ADAMTSL1: variants seen among roughly 807,000 people sequenced by gnomAD.
ADAMTSL1 encodes ADAMTS like 1.
In ADAMTSL1, 126 loss-of-function variants were observed where a neutral mutation model predicts 201.8. The observed-to-expected ratio is 0.62, with a 90% confidence interval of 0.54 to 0.72. The LOEUF (loss-of-function observed/expected upper bound fraction) is 0.72. ADAMTSL1 is among the 30% of genes least tolerant of loss of function. The pLI is 0.00. For synonymous variants in ADAMTSL1, 1,121 were observed against 903.4 expected (o/e 1.24, Z -4.32); for missense variants, 2,679 against 2,277.8 (o/e 1.18, Z -3.59).
At chr9:18,412,072 T>C (rs1037560957) in intron 2 of ADAMTSL1, among the ~76,000 whole-genome samples, 5 of 152,210 alleles carry the variant, frequency 3.3e-5, no homozygotes, top group African/African-American at 1.2e-4. Context: ...AACTGGGTCA[T>C]TTGTCCTAGA....
intron 3 of ADAMTSL1, among the ~76,000 whole-genome samples, chr9:18,548,621 G>A (rs1820614357): frequency 6.6e-6 from 1 of 152,014 alleles, no homozygotes; most frequent in African/African-American, 2.4e-5. Flanking sequence ...TGAAGGAACT[G>A]TATTTCTCCC....
At chr9:18,901,823 T>C (rs116287083) in intron 26 of ADAMTSL1, among the ~76,000 whole-genome samples, 1 of 152,144 alleles carries the variant, frequency 6.6e-6, no homozygotes, top group Non-Finnish European at 1.5e-5. Flanking sequence ...AGTAATTACT[T>C]TAAAGGAATC....
intron 1 of ADAMTSL1, among the ~76,000 whole-genome samples, chr9:18,042,924 A>G (rs1821491136): frequency 6.6e-6 from 1 of 152,172 alleles, no homozygotes; most frequent in Non-Finnish European, 1.5e-5. Context: ...CCAGGAAAAA[A>G]TTCACGGGGG....
At chr9:18,544,805 C>A (rs544508467) in intron 3 of ADAMTSL1, among the ~76,000 whole-genome samples, 25 of 152,332 alleles carry the variant, frequency 1.6e-4, no homozygotes, top group African/African-American at 5.8e-4. Context: ...TTGAGACCCA[C>A]TCAGCTAGAG....
intron 2 of ADAMTSL1, among the ~76,000 whole-genome samples, chr9:18,354,333 G>A (rs1836115389): frequency 6.6e-6 from 1 of 151,692 alleles, no homozygotes; most frequent in Admixed American, 6.6e-5. Flanking sequence ...TCTATCCCTG[G>A]TTGTTTTTCA....
chr9:18,071,823 T>C (rs1231915811), intron 1 of ADAMTSL1, among the ~76,000 whole-genome samples: 1 of 152,188 alleles, frequency 6.6e-6, no homozygotes, highest in Non-Finnish European at 1.5e-5. Flanking sequence ...TCTGGGGAGC[T>C]TGGAAGTCAC....
Position 18,889,748 on chromosome 9 carries a change from G to T in ADAMTSL1, c.4643G>T (p.Arg1548Leu). 2 of 1,499,234 alleles carry T rather than the reference G, an allele frequency of 1.3e-6. No homozygotes were observed. The highest frequency in any genetic ancestry group is 8.9e-7 in the Non-Finnish European group (1 of 1,126,058). The allele number at this position is 1,499,234 out of a possible 1,614,324, so 92.9% of individuals were successfully genotyped here. The change falls in exon 25 of 29, where the codon CGG becomes CTG. Residue 1548 changes from arginine to leucine, a missense_variant and splice_region_variant. By Grantham distance (102) the Arg-to-Leu change is moderately radical. Transcript: ENST00000380548. ...IACNRRDCPS[R>L]WMVTSWSACT... ...TGCAACCGGAGAGACTGCCCTTCTCGGTGAGTGCAGCGGACACTGGCTCAG... is the reference window on the plus strand; with the variant it reads ...TGCAACCGGAGAGACTGCCCTTCTCTGTGAGTGCAGCGGACACTGGCTCAG...
At chr9:18,814,546 A>C (rs1823713750) in intron 20 of ADAMTSL1, among the ~76,000 whole-genome samples, 1 of 152,242 alleles carries the variant, frequency 6.6e-6, no homozygotes, top group South Asian at 2.1e-4. Context: ...TCAAAAATGG[A>C]CAAAAGATAA....
At position 18,405,745 on chromosome 9, in the gene ADAMTSL1, A is replaced by G. The variant is rs541555944; in HGVS notation, c.208-99084A>G. ...CTAAGATTTTATACAATAATATGTT[A>G]TGTTTAGATATAGAAGACCTTTAAA... On this transcript the variant is annotated intron_variant, in intron 2 of 29. Coordinates refer to the ADAMTSL1 transcript ENST00000680146. Among the ~76,000 whole-genome samples the G allele has an allele frequency of 2.6e-5, 4 of 152,280 alleles. No individual in the cohort carries two copies. In the East Asian group the frequency reaches 7.7e-4, roughly 29 times the overall value.
chr9:18,053,816 C>T (rs1822050241), intron 1 of ADAMTSL1, among the ~76,000 whole-genome samples: 1 of 152,206 alleles, frequency 6.6e-6, no homozygotes, highest in South Asian at 2.1e-4. Flanking sequence ...AAGCAAGACC[C>T]TGGTAACTCT....
At position 18,861,583 on chromosome 9, in the gene ADAMTSL1, C is replaced by T. The variant is rs10118898; in HGVS notation, c.4250-26248C>T. On this transcript the variant is annotated intron_variant, in intron 23 of 28. Transcript: ENST00000380548. ...AAATCAATACTAGAAATGTAGGTTG[C>T]AAGACAAATAGCAGGCATTTGGACA... Among the ~76,000 whole-genome samples, 1,455 of 152,328 alleles carry T rather than the reference C, an allele frequency of 9.6e-3. 25 individuals are homozygous for T. Among genetic ancestry groups the T allele is most frequent in the African/African-American group, 0.033 (1,358 of 41,568 alleles).
chr9:18,148,037 T>C (rs1040256601), intron 1 of ADAMTSL1, among the ~76,000 whole-genome samples: 4 of 152,108 alleles, frequency 2.6e-5, no homozygotes, highest in Admixed American at 6.6e-5. Context: ...ACACAGCTCT[T>C]ATAATGTAGT....
At chr9:17,923,805 A>G (rs1395417789) in intron 1 of ADAMTSL1, among the ~76,000 whole-genome samples, 1 of 138,312 alleles carries the variant, frequency 7.2e-6, no homozygotes, top group Non-Finnish European at 1.5e-5. Context: ...TCCCATCAAC[A>G]CCTAATTTAT....
chr9:18,681,694 G>A (rs562066813), intron 11 of ADAMTSL1, 118 bp from the exon 12 acceptor site: 4 of 380,276 alleles, frequency 1.1e-5, no homozygotes, highest in Middle Eastern at 6.8e-4. Flanking sequence ...AGGAGTCCTC[G>A]TGTGGGGGGG....
intron 15 of ADAMTSL1, among the ~76,000 whole-genome samples, chr9:18,735,962 GCCT>G (rs1402665267): frequency 6.6e-6 from 1 of 151,136 alleles, no homozygotes; most frequent in Non-Finnish European, 1.5e-5. Flanking sequence ...TACTTTTCCT[GCCT>G]CAACTTCCAC....
At chr9:18,215,486 T>C (rs1830025827) in intron 2 of ADAMTSL1, among the ~76,000 whole-genome samples, 1 of 152,210 alleles carries the variant, frequency 6.6e-6, no homozygotes, top group Admixed American at 6.5e-5. Context: ...ATTACTGGCC[T>C]GTCAAAAGAA....
Position 18,308,504 on chromosome 9 carries a change from A to C in ADAMTSL1, c.207+144523A>C, listed in dbSNP as rs369887008. Among the ~76,000 whole-genome samples the C allele has an allele frequency of 5.3e-5, 8 of 152,284 alleles. No individual in the cohort carries two copies. In the South Asian group the frequency reaches 6.3e-4, roughly 12 times the overall value. On this transcript the variant is annotated intron_variant, in intron 2 of 29. Coordinates refer to the ADAMTSL1 transcript ENST00000680146. ...GACACCATAAAAAATGATAAAGAGG[A>C]TATCACCACCGATCACACAGAAATA...
chr9:17,927,372 A>G (rs1332325478), intron 1 of ADAMTSL1, among the ~76,000 whole-genome samples: 2 of 152,186 alleles, frequency 1.3e-5, no homozygotes, highest in African/African-American at 4.8e-5. Flanking sequence ...ACATATGTGC[A>G]TATACATGCA....
At chr9:18,480,880 G>T (rs1305429989) in intron 1 of ADAMTSL1, among the ~76,000 whole-genome samples, 1 of 152,128 alleles carries the variant, frequency 6.6e-6, no homozygotes, top group Non-Finnish European at 1.5e-5. Context: ...AGTGGATGAG[G>T]GAGTGGTAGA....
Sources: gnomAD v4.1 joint callset for allele counts (sites outside exome capture counted in the v4.1 genomes callset) on GRCh38, gnomAD v4.1.1 for gene constraint, MANE v1.5 for transcripts, NCBI Gene and HGNC (gene_info 2026-07-23, HGNC 2026-07-21) for gene names.